The following RNF10 variants were observed in gnomAD, a reference collection of about 807,000 sequenced individuals.
The protein encoded by RNF10 is ring finger protein 10.
Under a neutral mutation model 91.4 loss-of-function variants are expected in RNF10, and 38 were observed. The observed-to-expected ratio is 0.42, with a 90% CI of 0.32 to 0.54. The LOEUF is 0.54. RNF10 is among the 20% of genes least tolerant of loss of function. RNF10 has a pLI of 0.16. For synonymous variants in RNF10, 364 were observed against 366.3 expected (o/e 0.99, Z 0.07); for missense variants, 945 against 1,012.0 (o/e 0.93, Z 0.90).
At position 120,565,092 on chromosome 12, in the gene RNF10, A is replaced by C. The variant is rs529299888; in HGVS notation, c.1686A>C (p.Arg562Ser). The C allele has an allele frequency of 1.4e-5, 22 of 1,613,558 alleles. No individual in the cohort carries two copies. Among genetic ancestry groups the C allele is most frequent in the Non-Finnish European group, 1.9e-5 (22 of 1,179,604 alleles). The change falls in exon 11 of 17, where the codon AGA becomes AGC. Residue 562 changes from arginine to serine, a missense_variant. Arg to Ser is a moderately radical substitution (Grantham distance 110). Coordinates refer to ENST00000325954, the MANE Select transcript of RNF10 (RefSeq NM_014868.5). The stretch of plus-strand genomic sequence containing the variant: ...TGTAGGATGTTCGACAGCGTCACAG[A>C]TATCTCTCTCACTTGCCACTCACCT... Reference protein sequence around the residue: ...SMSEDVRQRHRYLSHLPLTCE... With the variant: ...SMSEDVRQRHSYLSHLPLTCE...
At position 120,569,892 on chromosome 12, in the gene RNF10, T is replaced by A. The variant is rs183780731; in HGVS notation, c.2042-1299T>A. On this transcript the variant is annotated intron_variant, in intron 13 of 16. Transcript: ENST00000325954. ...ATACTGTCTTTTCTGAAAGCTGCTT[T>A]TTGTTTTGTTTTGTTTTGGATGGAG... Among the ~76,000 whole-genome samples, 334 of 151,806 alleles carry A rather than the reference T, an allele frequency of 2.2e-3. 1 individual carries two copies. The highest frequency in any genetic ancestry group is 8.0e-3 in the African/African-American group (331 of 41,392).
rs1197385363 is a variant in RNF10 at position 120,563,429 on chromosome 12, T to C, written c.1337T>C (p.Leu446Pro). ...GACACTCCTTCTAGACCTCTTGCTCTCCCTCTGGTAGAAGAGGAGGAAGCA... is the reference window on the plus strand; with the variant it reads ...GACACTCCTTCTAGACCTCTTGCTCCCCCTCTGGTAGAAGAGGAGGAAGCA... ...SLDTPSRPLA[L>P]PLVEEEEAVS... Residue 446 changes from leucine to proline, a missense_variant, in exon 9 of 17, where the codon CTC (leucine) becomes CCC (proline). By Grantham distance (98) the Leu-to-Pro change is moderately conservative. Coordinates refer to ENST00000325954, the MANE Select transcript of RNF10 (RefSeq NM_014868.5). The C allele has an allele frequency of 6.2e-7, 1 of 1,613,980 alleles. No individual in the cohort carries two copies.
intron 4 of RNF10, among the ~76,000 whole-genome samples, chr12:120,555,118 G>T (rs117112459): frequency 3.3e-5 from 5 of 152,230 alleles, no homozygotes; most frequent in Admixed American, 2.0e-4. Flanking sequence ...GCAGCCATTC[G>T]TAGCAATCAC....
intron 6 of RNF10, among the ~76,000 whole-genome samples, chr12:120,558,715 C>A (rs1172132593): frequency 6.6e-6 from 1 of 151,254 alleles, no homozygotes; most frequent in African/African-American, 2.4e-5. Context: ...ACTACAGGCG[C>A]CCGCCACCAT....
intron 13 of RNF10, among the ~76,000 whole-genome samples, chr12:120,569,536 A>ATTTTTTTTTTTTT (rs1326256466): frequency 7.3e-5 from 3 of 41,262 alleles, no homozygotes; most frequent in Non-Finnish European, 1.1e-4. Flanking sequence ...TGTGATATGC[A>ATTTTTTTTTTTTT]TCTTTTTTTT....
At chr12:120,572,662 C>A (rs1161242765) in intron 14 of RNF10, among the ~76,000 whole-genome samples, 1 of 152,124 alleles carries the variant, frequency 6.6e-6, no homozygotes, top group Non-Finnish European at 1.5e-5. Context: ...ATGGCGTGAT[C>A]TCGGCTCACT....
At chr12:120,550,021 A>G (rs1872817239) in intron 2 of RNF10, among the ~76,000 whole-genome samples, 1 of 152,188 alleles carries the variant, frequency 6.6e-6, no homozygotes, top group Non-Finnish European at 1.5e-5. Context: ...TCTAGACTAT[A>G]GAACACTCCT....
At chr12:120,544,443 G>T (rs1485678544) in intron 1 of RNF10, among the ~76,000 whole-genome samples, 1 of 151,778 alleles carries the variant, frequency 6.6e-6, no homozygotes, top group Non-Finnish European at 1.5e-5. Context: ...GATCACTTGA[G>T]CTCTGGAGTT....
At chr12:120,554,954 TG>T in intron 4 of RNF10, 146 bp downstream of exon 4, 2 of 660,152 alleles carry the variant, frequency 3.0e-6, no homozygotes, top group Non-Finnish European at 2.7e-6. Flanking sequence ...GGTCAGTTCC[TG>T]GTTCTTCCTG....
In RNF10 at chr12:120,534,904, C is replaced by T. The variant is rs184077395; in HGVS notation, c.93C>T (p.Ser31=). 5.0e-6 allele frequency: 8 copies of T among 1,607,608 alleles called. 1 individual carries two copies. The South Asian group carries it at 6.6e-5, about 13-fold the overall frequency. Residue 31 remains serine, a synonymous_variant, in exon 1 of 17, where the codon AGC becomes AGT. Coordinates refer to ENST00000325954, the MANE Select transcript of RNF10 (RefSeq NM_014868.5). ...GCTCCTCCGCCTCTTCGGGCAGCAG[C>T]AAAGGGCAACAGCCGCCCCGCTCCG... ...SNSSSASSGS[S]KGQQPPRSAS...
In RNF10 at chr12:120,576,611, G is replaced by GAA; in HGVS notation, c.2387_2388dup (p.Gln797AsnfsTer46). 2 of 1,613,568 alleles carry GAA rather than the reference G, an allele frequency of 1.2e-6. No homozygotes were observed. The highest frequency in any genetic ancestry group is 1.7e-6 in the Non-Finnish European group (2 of 1,179,808). On this transcript the variant is annotated frameshift_variant, in exon 17 of 17. Transcript: ENST00000325954. LOFTEE classifies it high-confidence loss of function. ...TTAGAAGAGAAAGGAGGAAAGAAAA[G>GAA]AAAAAAACAGAAACAGAAGCTCCTG... is the stretch of plus-strand genomic sequence containing the variant.
intron 14 of RNF10, among the ~76,000 whole-genome samples, chr12:120,573,161 A>G (rs1046067968): frequency 7.1e-4 from 108 of 152,298 alleles, no homozygotes; most frequent in African/African-American, 2.5e-3. Context: ...ATATTCGCCT[A>G]TAGAACCACA....
rs1173805588 is a variant in RNF10, at chr12:120,552,561, C to T, written c.417C>T (p.Asn139=). 2 of 1,614,194 alleles carry T rather than the reference C, an allele frequency of 1.2e-6. No individual in the cohort carries two copies. Among genetic ancestry groups the T allele is most frequent in the Non-Finnish European group, 1.7e-6 (2 of 1,180,026 alleles). The part of the protein sequence containing the change: ...PAQFSGPKKI[N]LNHLLNFTFE... ...AGTTCTCTGGTCCTAAGAAGATCAA[C>T]CTGAACCACTTGTTGAATTTCACTT... Residue 139 remains asparagine, a synonymous_variant, in exon 3 of 17, where the codon AAC becomes AAT. Transcript: ENST00000325954.
chr12:120,558,534 TTTTA>T (rs1429029800), intron 6 of RNF10, among the ~76,000 whole-genome samples: 1 of 149,058 alleles, frequency 6.7e-6, no homozygotes, highest in Non-Finnish European at 1.5e-5. Flanking sequence ...TAAATTTTAT[TTTTA>T]TTTTATTTAT....
At position 120,575,722 on chromosome 12, in the gene RNF10, G is replaced by C. The variant is rs766382214; in HGVS notation, c.2200+34G>C. On this transcript the variant is annotated intron_variant, in intron 15 of 16. Coordinates refer to ENST00000325954, the MANE Select transcript of RNF10 (RefSeq NM_014868.5). ...GGTCCACTGGTGAAGGGGGAGTTTG[G>C]CTTCTTTCCATAAAAGGCTGTTTCT... 21 of 1,613,988 alleles carry C rather than the reference G, an allele frequency of 1.3e-5. No homozygotes were observed. The South Asian group carries it at 2.0e-4, about 15-fold the overall frequency.
chr12:120,548,660 CTTTTTT>C (rs5801391), intron 2 of RNF10, among the ~76,000 whole-genome samples: 1 of 133,366 alleles, frequency 7.5e-6, no homozygotes, highest in Non-Finnish European at 1.6e-5. Context: ...TTTTTTCTTT[CTTTTTT>C]TTTTTTTTTT....
In RNF10 at chr12:120,575,674, C is replaced by G. The variant is rs1877289477; in HGVS notation, c.2186C>G (p.Thr729Ser). 6.2e-7 allele frequency: 1 copy of G among 1,614,102 alleles called. No homozygotes were observed. Among genetic ancestry groups the G allele is most frequent in the South Asian group, 1.1e-5 (1 of 91,094 alleles). ...GCAAAAGCAGATGTGTGGCCCAAAA[C>G]TGCTCCAAAGAAAGGTGAGGATGGT... ...GKAKADVWPKTAPKKDENSLV... is the reference protein window; with the variant it reads ...GKAKADVWPKSAPKKDENSLV... The change falls in exon 15 of 17, where the codon ACT (threonine) becomes AGT (serine). Residue 729 changes from threonine (T) to serine (S), a missense_variant. Transcript: ENST00000325954.
rs5801391 is a variant in RNF10, at chr12:120,548,660, CT to C, written c.354+2075del. Among the ~76,000 whole-genome samples, 180 of 133,310 alleles carry C rather than the reference CT, an allele frequency of 1.4e-3. 1 individual carries two copies. The highest frequency in any genetic ancestry group is 1.5e-3 in the Non-Finnish European group (95 of 62,766). 87.5% of individuals were successfully genotyped at this position (133,310 alleles called of 152,430 possible). ...TGAGCTTGAGGGATTTTTTTTCTTT[CT>C]TTTTTTTTTTTTTTTGAGATGGAGT... On this transcript the variant is annotated intron_variant, in intron 2 of 16. Transcript: ENST00000325954.
At chr12:120,571,865 T>G (rs564969959) in intron 14 of RNF10, among the ~76,000 whole-genome samples, 20 of 152,114 alleles carry the variant, frequency 1.3e-4, no homozygotes, top group Non-Finnish European at 2.1e-4. Flanking sequence ...AGCAGCTTCC[T>G]TGGAGCTGGG....
Sources: allele counts gnomAD v4.1 joint callset (sites outside exome capture counted in the v4.1 genomes callset), GRCh38; gene constraint gnomAD v4.1.1; transcripts MANE v1.5; gene names NCBI Gene and HGNC (gene_info 2026-07-23, HGNC 2026-07-21).